The following R3HDM4 variants were observed in gnomAD, a reference collection of about 807,000 sequenced individuals.
The protein encoded by R3HDM4 is R3H domain-containing protein 4.
Under a neutral mutation model 31.3 loss-of-function variants are expected in R3HDM4, and 30 were observed. That is an observed-to-expected ratio of 0.96 (90% confidence interval 0.72 to 1.30). The LOEUF (loss-of-function observed/expected upper bound fraction) is 1.30. R3HDM4 is among the 50% of genes most tolerant of loss of function. The pLI, the probability that R3HDM4 is intolerant of heterozygous loss-of-function variation, is 0.00. For missense variants in R3HDM4, 444 were observed against 366.1 expected, an observed-to-expected ratio of 1.21 and a Z score of -1.74; for synonymous variants, 196 against 156.6, an observed-to-expected ratio of 1.25 and a Z score of -1.88.
At chr19:909,450 C>G (rs764548558) in intron 1 of R3HDM4, among the ~76,000 whole-genome samples, 2 of 152,030 alleles carry the variant, frequency 1.3e-5, no homozygotes, top group Admixed American at 1.3e-4. Flanking sequence ...CGGCTGAGAG[C>G]GGAAACATGA....
rs1406607032 is a variant in R3HDM4, at chr19:897,180, G to T, written c.*257C>A. ...CTCAACGATGAAGAAACAGGAACAT[G>T]CCCAGGTCAGGTCTCCCCACCCAAA... On this transcript the variant is annotated 3_prime_UTR_variant, in exon 8 of 8. Coordinates refer to ENST00000361574, the MANE Select transcript of R3HDM4 (RefSeq NM_138774.4). The T allele has an allele frequency of 4.6e-6, 2 of 432,266 alleles. No homozygotes were observed. The highest frequency in any genetic ancestry group is 8.2e-6 in the Non-Finnish European group (2 of 242,830). 26.8% of individuals were successfully genotyped at this position (432,266 alleles called of 1,614,324 possible). A position where few individuals can be genotyped will look rare whatever the true frequency, so the allele number is the denominator to read the frequency against.
rs576810852 is a variant in R3HDM4, at chr19:903,259, CCT to C, written c.72-1131_72-1130del. 4.4e-3 allele frequency among the ~76,000 whole-genome samples: 675 copies of C among 151,924 alleles called. 3 individuals carry two copies. The highest frequency in any genetic ancestry group is 0.015 in the African/African-American group (620 of 41,406). On this transcript the variant is annotated intron_variant, in intron 1 of 7. Transcript: ENST00000361574. ...CCCGCAAACCCCCCCCTTAATGTCCCCTGTCCCCAGGGCCAGGAGGAGAGTGC... is the reference window on the plus strand; with the variant it reads ...CCCGCAAACCCCCCCCTTAATGTCCCGTCCCCAGGGCCAGGAGGAGAGTGC...
Position 907,968 on chromosome 19 carries a change from G to T in R3HDM4, c.71+5119C>A, listed in dbSNP as rs559125896. ...CCAGCACTTTGGGAGGCCGAGGCGG[G>T]CGGATCATGAGGTCAAGAGATGGAG... On this transcript the variant is annotated intron_variant, in intron 1 of 7. Coordinates refer to ENST00000361574, the MANE Select transcript of R3HDM4 (RefSeq NM_138774.4). The surrounding 1 kb of genome is among the most constrained non-coding windows in gnomAD (Gnocchi z 4.1). Among the ~76,000 whole-genome samples the T allele has an allele frequency of 2.6e-5, 4 of 152,268 alleles. No individual in the cohort carries two copies. Among genetic ancestry groups the T allele is most frequent in the Admixed American group, 1.3e-4 (2 of 15,288 alleles).
At chr19:909,370 C>T (rs1221297284) in intron 1 of R3HDM4, among the ~76,000 whole-genome samples, 1 of 152,266 alleles carries the variant, frequency 6.6e-6, no homozygotes, top group East Asian at 1.9e-4. Flanking sequence ...GTGGGGCAGA[C>T]TGCGGCGGCC....
chr19:898,795 G>A (rs920533844), intron 7 of R3HDM4, among the ~76,000 whole-genome samples: 1 of 152,104 alleles, frequency 6.6e-6, no homozygotes, highest in African/African-American at 2.4e-5. Context: ...AAGGCCGGAT[G>A]TTCTGAGCAG....
chr19:900,438 A>G (rs1468435435), intron 4 of R3HDM4, among the ~76,000 whole-genome samples: 1 of 137,168 alleles, frequency 7.3e-6, no homozygotes, highest in Non-Finnish European at 1.6e-5. Context: ...CCCCACCCCT[A>G]CCCACTGCCA....
chr19:909,846 C>T (rs2036950130), intron 1 of R3HDM4, among the ~76,000 whole-genome samples: 1 of 151,974 alleles, frequency 6.6e-6, no homozygotes, highest in Non-Finnish European at 1.5e-5. Flanking sequence ...AAGAAGAGCC[C>T]ATTTTGAGGG....
In R3HDM4 at chr19:897,479, C is replaced by A. The variant is rs61745642; in HGVS notation, c.765G>T (p.Pro255=). 1.9e-6 allele frequency: 3 copies of A among 1,612,610 alleles called. No homozygotes were observed. The highest frequency in any genetic ancestry group is 1.3e-5 in the African/African-American group (1 of 74,906). The change falls in exon 8 of 8, where the codon CCG becomes CCT. Residue 255 remains proline, a synonymous_variant. Coordinates refer to ENST00000361574, the MANE Select transcript of R3HDM4 (RefSeq NM_138774.4). ...GGTAGGCGGACAGGAGCAGCCCCGG[C>A]GGCAGGAAATCCAGGTGCCGATTAC... ...KVSNRHLDFL[P]PGLLLSAYLE...
chr19:909,690 G>A (rs953477738), intron 1 of R3HDM4, among the ~76,000 whole-genome samples: 12 of 151,946 alleles, frequency 7.9e-5, no homozygotes, highest in African/African-American at 2.9e-4. Context: ...CAGCTACTCA[G>A]GAGGCTGAGG....
At chr19:898,274 G>A (rs1381532820) in intron 7 of R3HDM4, among the ~76,000 whole-genome samples, 13 of 150,024 alleles carry the variant, frequency 8.7e-5, no homozygotes, top group Middle Eastern at 3.4e-3. Flanking sequence ...GCGTGGTGGC[G>A]GGCACCTGTA....
chr19:901,315 G>A, intron 3 of R3HDM4, 107 bp downstream of exon 3: 3 of 1,266,224 alleles, frequency 2.4e-6, no homozygotes, highest in Admixed American at 4.2e-5. Flanking sequence ...TAGGAGATCA[G>A]AAGTGGGCGG....
chr19:899,308 AG>A lies in R3HDM4; in HGVS notation c.703+131del. The A allele has an allele frequency of 2.2e-6, 2 of 892,318 alleles. No homozygotes were observed. Among genetic ancestry groups the A allele is most frequent in the East Asian group, 5.2e-5 (2 of 38,708 alleles). 55.3% of individuals were successfully genotyped at this position (892,318 alleles called of 1,614,324 possible). On this transcript the variant is annotated intron_variant, in intron 7 of 7. Coordinates refer to ENST00000361574, the MANE Select transcript of R3HDM4 (RefSeq NM_138774.4). This position sits in a 1 kb window ranked among gnomAD's most constrained non-coding sequence, Gnocchi z 6.8. ...GTCCCACTGCCACCCCTGAGTTCGTAGCGTCCCCACTCCAGCCCCCTTCCCC... is the reference window on the plus strand; with the variant it reads ...GTCCCACTGCCACCCCTGAGTTCGTACGTCCCCACTCCAGCCCCCTTCCCC...
chr19:903,379 C>T (rs1199221963), intron 1 of R3HDM4, among the ~76,000 whole-genome samples: 1 of 152,188 alleles, frequency 6.6e-6, no homozygotes, highest in Non-Finnish European at 1.5e-5. Flanking sequence ...CTGGGCCTCC[C>T]ACCGAGAATC....
At chr19:910,831 A>C (rs2036961771) in intron 1 of R3HDM4, among the ~76,000 whole-genome samples, 1 of 151,984 alleles carries the variant, frequency 6.6e-6, no homozygotes, top group Non-Finnish European at 1.5e-5. Context: ...TCATTTAAAA[A>C]TAATACTAGC....
chr19:899,874 C>T lies in R3HDM4; in HGVS notation c.561+187G>A, dbSNP rs530981086. On this transcript the variant is annotated intron_variant, in intron 5 of 7. Coordinates refer to ENST00000361574, the MANE Select transcript of R3HDM4 (RefSeq NM_138774.4). The surrounding 1 kb of genome is among the most constrained non-coding windows in gnomAD (Gnocchi z 6.8). The stretch of plus-strand genomic sequence containing the variant: ...CCTGTGCCTTCCGTGGAGGAAACTC[C>T]TACACACCCTGCAGTGCCCGCCTTC... 2.0e-5 allele frequency among the ~76,000 whole-genome samples: 3 copies of T among 152,278 alleles called. No individual in the cohort carries two copies. The highest frequency in any genetic ancestry group is 2.0e-4 in the Admixed American group (3 of 15,304).
intron 7 of R3HDM4, among the ~76,000 whole-genome samples, chr19:898,008 C>T (rs1280877469): frequency 2.0e-5 from 3 of 152,140 alleles, no homozygotes; most frequent in African/African-American, 7.2e-5. Context: ...TGGCTCATGC[C>T]TGTAATCCCA....
chr19:900,097 A>C lies in R3HDM4; in HGVS notation c.525T>G (p.Arg175=). ...PRECFQRISR[R]LRAVLKRSRI... is the part of the protein sequence containing the mutation. The stretch of plus-strand genomic sequence containing the variant: ...GGCTGCGCTTGAGGACGGCTCGCAG[A>C]CGCCGGCTGATGCGCTGGAAGCACT... Residue 175 remains arginine (R), a synonymous_variant, in exon 5 of 8, where the codon CGT becomes CGG. Coordinates refer to ENST00000361574, the MANE Select transcript of R3HDM4 (RefSeq NM_138774.4). 2 of 1,608,346 alleles carry C rather than the reference A, an allele frequency of 1.2e-6. No individual in the cohort carries two copies. Among genetic ancestry groups the C allele is most frequent in the Non-Finnish European group, 8.5e-7 (1 of 1,177,878 alleles).
At chr19:900,196 C>A in intron 4 of R3HDM4, 50 bp from the exon 5 acceptor site, 1 of 1,440,756 alleles carries the variant, frequency 6.9e-7, no homozygotes, top group Non-Finnish European at 9.3e-7. Context: ...CGTCCTGGCC[C>A]TGCCCACCTG....
chr19:899,972 T>C lies in R3HDM4; in HGVS notation c.561+89A>G. 7.5e-7 allele frequency: 1 copy of C among 1,336,738 alleles called. No individual in the cohort carries two copies. The highest frequency in any genetic ancestry group is 1.7e-5 in the Admixed American group (1 of 57,338). The allele number at this position is 1,336,738 out of a possible 1,614,324, so 82.8% of individuals were successfully genotyped here. ...CTGCCCTGTTTCCCCTGACACGACC[T>C]GCACCGGGTGAGAACCTGTGCCTGG... On this transcript the variant is annotated intron_variant, in intron 5 of 7. Coordinates refer to ENST00000361574, the MANE Select transcript of R3HDM4 (RefSeq NM_138774.4). The surrounding 1 kb of genome is among the most constrained non-coding windows in gnomAD (Gnocchi z 6.8).
Sources: allele counts gnomAD v4.1 joint callset (sites outside exome capture counted in the v4.1 genomes callset), GRCh38; gene constraint gnomAD v4.1.1; non-coding constraint Gnocchi (gnomAD v3.1); transcripts MANE v1.5; gene names NCBI Gene and HGNC (gene_info 2026-07-23, HGNC 2026-07-21).